Variants in SH3BGRL2 observed in about 807,000 individuals in gnomAD.
The protein encoded by SH3BGRL2 is SH3 domain-binding glutamic acid-rich-like protein 2.
In SH3BGRL2, 21 loss-of-function variants were observed where a neutral mutation model predicts 14.8. That is an observed-to-expected ratio of 1.42 (90% CI 1.01 to 2.05). The LOEUF is 2.05. Ranked by LOEUF, SH3BGRL2 falls within the 30% of genes most tolerant of loss-of-function variation. The probability of loss-of-function intolerance (pLI) is 0.00; values close to 1 mark genes in which losing one functional copy is unlikely to be tolerated. For synonymous variants in SH3BGRL2, 50 were observed against 47.8 expected (o/e 1.05, Z -0.19); for missense variants, 147 against 130.8 (o/e 1.12, Z -0.61).
intron 1 of SH3BGRL2, among the ~76,000 whole-genome samples, chr6:79,660,511 C>T (rs900489728): frequency 1.3e-5 from 2 of 152,130 alleles, no homozygotes; most frequent in African/African-American, 4.8e-5. Context: ...GGTGGATAAG[C>T]TTTTTGATGT....
the SH3BGRL2 span, among the ~76,000 whole-genome samples, chr6:79,579,954 T>A: frequency 6.6e-6 from 1 of 152,104 alleles, no homozygotes; most frequent in African/African-American, 2.4e-5. Context: ...TGGAGGAAGA[T>A]CTATCAAGCA....
At chr6:79,675,824 AGTTGT>A (rs67186620) in intron 2 of SH3BGRL2, among the ~76,000 whole-genome samples, 47,204 of 151,350 alleles carry the variant, frequency 0.31, 7,908 homozygotes, top group South Asian at 0.46. Context: ...TTCTTCTGTT[AGTTGT>A]GTTGTTCCTG....
At chr6:79,564,376 A>G in the SH3BGRL2 span, among the ~76,000 whole-genome samples, 5 of 146,776 alleles carry the variant, frequency 3.4e-5, no homozygotes, top group African/African-American at 1.3e-4. Context: ...ATTTTATTCT[A>G]TTTTTAGATT....
At chr6:79,661,380 C>T (rs146888308) in intron 1 of SH3BGRL2, among the ~76,000 whole-genome samples, 14,955 of 152,116 alleles carry the variant, frequency 0.098, 1,057 homozygotes, top group East Asian at 0.32. Context: ...GCCTTCATTT[C>T]GTTATTTACC....
intron 3 of SH3BGRL2, 68 bp from the exon 4 acceptor site, chr6:79,699,430 T>C: frequency 6.7e-7 from 1 of 1,482,788 alleles, no homozygotes; most frequent in East Asian, 2.4e-5. Context: ...CTGCCAAGGG[T>C]GAATTTTCTT....
At chr6:79,540,883 G>A in the SH3BGRL2 span, among the ~76,000 whole-genome samples, 1 of 152,158 alleles carries the variant, frequency 6.6e-6, no homozygotes, top group Admixed American at 6.5e-5. Context: ...GGGGATGGAG[G>A]TAGGATCAAG....
the SH3BGRL2 span, among the ~76,000 whole-genome samples, chr6:79,545,886 T>C: frequency 2.6e-5 from 4 of 152,204 alleles, no homozygotes; most frequent in East Asian, 7.7e-4. Context: ...GGGCAGACTT[T>C]TTGCATACAA....
chr6:79,596,762 A>G, the SH3BGRL2 span, among the ~76,000 whole-genome samples: 1 of 152,234 alleles, frequency 6.6e-6, no homozygotes, highest in Non-Finnish European at 1.5e-5. Flanking sequence ...TCTTTACAGA[A>G]ATTGACAAGC....
At chr6:79,594,012 C>A in the SH3BGRL2 span, among the ~76,000 whole-genome samples, 2 of 136,346 alleles carry the variant, frequency 1.5e-5, no homozygotes, top group Non-Finnish European at 3.2e-5. Flanking sequence ...ATGACAAGAG[C>A]CAGACTCTGT....
intron 2 of SH3BGRL2, among the ~76,000 whole-genome samples, chr6:79,693,481 A>G (rs1161172841): frequency 6.6e-6 from 1 of 150,550 alleles, no homozygotes; most frequent in African/African-American, 2.5e-5. Flanking sequence ...TCAGTATGAT[A>G]TTGGCTGTGG....
chr6:79,597,671 A>G, the SH3BGRL2 span, among the ~76,000 whole-genome samples: 1 of 152,242 alleles, frequency 6.6e-6, no homozygotes, highest in Non-Finnish European at 1.5e-5. Context: ...GAAAGAAAAC[A>G]TAAGCAAAAA....
At chr6:79,542,457 T>C in the SH3BGRL2 span, among the ~76,000 whole-genome samples, 2 of 151,948 alleles carry the variant, frequency 1.3e-5, no homozygotes, top group Non-Finnish European at 2.9e-5. Context: ...TTAGTAAATA[T>C]AGGGTTTCAC....
At chr6:79,597,650 A>G in the SH3BGRL2 span, among the ~76,000 whole-genome samples, 286 of 152,374 alleles carry the variant, frequency 1.9e-3, no homozygotes, top group Non-Finnish European at 3.2e-3. Context: ...AGCTGAAATT[A>G]TAAAATTCTA....
intron 1 of SH3BGRL2, among the ~76,000 whole-genome samples, chr6:79,646,189 C>T (rs1769140601): frequency 6.6e-6 from 1 of 152,178 alleles, no homozygotes; most frequent in South Asian, 2.1e-4. Context: ...CAAAATCGCC[C>T]CTGGTTGAGA....
chr6:79,685,366 A>G (rs1770071117), intron 2 of SH3BGRL2, among the ~76,000 whole-genome samples: 1 of 152,170 alleles, frequency 6.6e-6, no homozygotes, highest in South Asian at 2.1e-4. Flanking sequence ...GGCCATGTTA[A>G]TATCACTTTG....
chr6:79,618,963 G>T, the SH3BGRL2 span, among the ~76,000 whole-genome samples: 2 of 143,616 alleles, frequency 1.4e-5, no homozygotes, highest in Non-Finnish European at 3.0e-5. Context: ...AAAGTTACTC[G>T]AAAGTCACCC....
chr6:79,699,625 G>A lies in SH3BGRL2; in HGVS notation c.*116G>A. 1 of 1,323,230 alleles carries A rather than the reference G, an allele frequency of 7.6e-7. No individual in the cohort carries two copies. Among genetic ancestry groups the A allele is most frequent in the East Asian group, 2.5e-5 (1 of 40,518 alleles). 82.0% of individuals were successfully genotyped at this position (1,323,230 alleles called of 1,614,324 possible). A position where few individuals can be genotyped will look rare whatever the true frequency, so the allele number is the denominator to read the frequency against. On this transcript the variant is annotated 3_prime_UTR_variant, in exon 4 of 4. Transcript: ENST00000369838. ...AGCCACACGCATTATCAGTAACTTTGCTTGCCACGGAAAAGGTGTTTTTGA... is the reference window on the plus strand; with the variant it reads ...AGCCACACGCATTATCAGTAACTTTACTTGCCACGGAAAAGGTGTTTTTGA...
chr6:79,579,633 A>G, the SH3BGRL2 span, among the ~76,000 whole-genome samples: 76 of 152,324 alleles, frequency 5.0e-4, no homozygotes, highest in East Asian at 0.014. Context: ...CGGCCTTACA[A>G]GAGCTCCCGA....
the SH3BGRL2 span, among the ~76,000 whole-genome samples, chr6:79,561,843 C>A: frequency 4.5e-4 from 68 of 152,178 alleles, 1 homozygote; most frequent in Admixed American, 4.3e-3. Flanking sequence ...TCTGTCTAGA[C>A]AATGTAAACT....
Sources: gnomAD v4.1 joint callset for allele counts (sites outside exome capture counted in the v4.1 genomes callset) on GRCh38, gnomAD v4.1.1 for gene constraint, MANE v1.5 for transcripts, NCBI Gene and HGNC (gene_info 2026-07-23, HGNC 2026-07-21) for gene names.